Variants in FSTL5 observed in about 807,000 individuals in gnomAD.
FSTL5 encodes follistatin like 5, also known as follistatin-related protein 5.
In FSTL5, 62 loss-of-function variants were observed where a neutral mutation model predicts 89.1. The observed-to-expected ratio is 0.70, with a 90% CI of 0.57 to 0.86. The LOEUF (loss-of-function observed/expected upper bound fraction) is 0.86. FSTL5 is among the 40% of genes least tolerant of loss of function. The pLI is 0.00. For missense variants in FSTL5, 1,057 were observed against 1,001.6 expected, an observed-to-expected ratio of 1.06 and a Z score of -0.75; for synonymous variants, 383 against 346.2, an observed-to-expected ratio of 1.11 and a Z score of -1.18.
At position 162,027,790 on chromosome 4, in the gene FSTL5, C is replaced by T. The variant is rs1737356031; in HGVS notation, c.160+5835G>A. ...GGTAATTAAAGAGTTGCCAGTTAAT[C>T]ATCTACTATCAAGTTATGCATATGT... On this transcript the variant is annotated intron_variant, in intron 3 of 15. Coordinates refer to ENST00000306100, the MANE Select transcript of FSTL5 (RefSeq NM_020116.5). Among the ~76,000 whole-genome samples the T allele has an allele frequency of 3.3e-5, 5 of 152,056 alleles. No individual in the cohort carries two copies. The South Asian group carries it at 1.0e-3, about 32-fold the overall frequency.
chr4:161,754,740 A>C (rs1012929122), intron 6 of FSTL5, among the ~76,000 whole-genome samples: 1 of 152,144 alleles, frequency 6.6e-6, no homozygotes, highest in Non-Finnish European at 1.5e-5. Context: ...AAAGACATTT[A>C]TTTGAGCATC....
chr4:161,615,314 A>AAAAAAAAAAAAAAAAAC (rs1734818695), intron 7 of FSTL5, among the ~76,000 whole-genome samples: 1 of 137,154 alleles, frequency 7.3e-6, no homozygotes, highest in Non-Finnish European at 1.6e-5. Flanking sequence ...AAAAAAAAAA[A>AAAAAAAAAAAAAAAAAC]AATTAGCTGG....
intron 2 of FSTL5, among the ~76,000 whole-genome samples, chr4:162,089,632 CAA>C (rs755573032): frequency 0.034 from 1,463 of 42,550 alleles, 18 homozygotes; most frequent in East Asian, 0.057. Context: ...GAATCTGTCT[CAA>C]AAAAAAAAAA....
chr4:161,643,834 A>G (rs1736047455), intron 7 of FSTL5, among the ~76,000 whole-genome samples: 3 of 152,192 alleles, frequency 2.0e-5, no homozygotes, highest in Non-Finnish European at 4.4e-5. Flanking sequence ...GTAAGAAAAT[A>G]AAATCTTCAG....
intron 15 of FSTL5, among the ~76,000 whole-genome samples, chr4:161,397,263 C>T (rs1222893866): frequency 6.6e-6 from 1 of 151,818 alleles, no homozygotes; most frequent in Non-Finnish European, 1.5e-5. Flanking sequence ...CACATAAAAA[C>T]CTCTATATAC....
intron 6 of FSTL5, among the ~76,000 whole-genome samples, chr4:161,681,290 A>G (rs559876376): frequency 1.8e-4 from 28 of 152,110 alleles, no homozygotes; most frequent in Admixed American, 5.9e-4. Context: ...AAATCAAAAG[A>G]AAAAACTACA....
chr4:161,901,523 G>T (rs974638013), intron 4 of FSTL5, among the ~76,000 whole-genome samples: 1 of 152,100 alleles, frequency 6.6e-6, no homozygotes, highest in African/African-American at 2.4e-5. Flanking sequence ...TTCGTTTTGG[G>T]TATTAAAATT....
At chr4:161,439,822 A>G (rs955269185) in intron 15 of FSTL5, among the ~76,000 whole-genome samples, 1 of 152,150 alleles carries the variant, frequency 6.6e-6, no homozygotes, top group Non-Finnish European at 1.5e-5. Flanking sequence ...TTTATGCAAA[A>G]TTAAGTTATA....
intron 15 of FSTL5, among the ~76,000 whole-genome samples, chr4:161,424,157 C>A (rs528355525): frequency 6.7e-5 from 10 of 149,940 alleles, no homozygotes; most frequent in African/African-American, 2.2e-4. Flanking sequence ...GATTACAGGC[C>A]TGAGCCACCA....
At chr4:161,862,515 A>C (rs1458974985) in intron 4 of FSTL5, among the ~76,000 whole-genome samples, 1 of 152,244 alleles carries the variant, frequency 6.6e-6, no homozygotes, top group East Asian at 1.9e-4. Flanking sequence ...TGGGCGGATA[A>C]CCAGGTCAAG....
chr4:161,842,707 G>GGCTTCTTAATATTATAT (rs1254730733), intron 4 of FSTL5, among the ~76,000 whole-genome samples: 1 of 151,770 alleles, frequency 6.6e-6, no homozygotes, highest in Non-Finnish European at 1.5e-5. Context: ...AAATATAAGT[G>GGCTTCTTAATATTATAT]GCTTCTTAAT....
chr4:161,599,503 C>G (rs554138744), intron 7 of FSTL5, among the ~76,000 whole-genome samples: 19 of 151,660 alleles, frequency 1.3e-4, no homozygotes, highest in African/African-American at 4.6e-4. Flanking sequence ...CCAAGTACAA[C>G]AGATTAATCA....
intron 4 of FSTL5, among the ~76,000 whole-genome samples, chr4:161,789,788 T>C (rs1729396759): frequency 2.0e-5 from 3 of 152,204 alleles, no homozygotes; most frequent in Admixed American, 2.0e-4. Flanking sequence ...ACTGCTCTTA[T>C]TATATGATAT....
rs376357079 is a variant in FSTL5 at position 161,974,040 on chromosome 4, C to T, written c.161-53388G>A. Reference sequence around the variant, plus strand: ...CAAAGAGAATACAATACCTAGGAATCCAACTTACAAGGGATGTGAAGGACC... The same window carrying T: ...CAAAGAGAATACAATACCTAGGAATTCAACTTACAAGGGATGTGAAGGACC... On this transcript the variant is annotated intron_variant, in intron 3 of 15. Transcript: ENST00000306100. Among the ~76,000 whole-genome samples the T allele has an allele frequency of 2.7e-4, 41 of 152,206 alleles. 1 individual carries two copies. The South Asian group carries it at 8.5e-3, about 32-fold the overall frequency.
At chr4:161,651,141 A>G (rs1489127959) in intron 7 of FSTL5, among the ~76,000 whole-genome samples, 1 of 152,108 alleles carries the variant, frequency 6.6e-6, no homozygotes, top group African/African-American at 2.4e-5. Context: ...GGAACTCACA[A>G]ACCAGGAACC....
At chr4:161,816,675 T>C (rs1429623632) in intron 4 of FSTL5, among the ~76,000 whole-genome samples, 1 of 152,106 alleles carries the variant, frequency 6.6e-6, no homozygotes, top group East Asian at 1.9e-4. Context: ...CAGATGAAAA[T>C]ACAATTTTAG....
At chr4:161,619,566 T>C (rs1289166808) in intron 7 of FSTL5, among the ~76,000 whole-genome samples, 2 of 152,214 alleles carry the variant, frequency 1.3e-5, no homozygotes, top group African/African-American at 4.8e-5. Context: ...AAGATATTTA[T>C]GCAGCCAAAA....
At chr4:162,025,829 A>G (rs1327482797) in intron 3 of FSTL5, among the ~76,000 whole-genome samples, 1 of 152,036 alleles carries the variant, frequency 6.6e-6, no homozygotes, top group Non-Finnish European at 1.5e-5. Context: ...TTAGTATCAT[A>G]GAAGTCATAG....
intron 11 of FSTL5, among the ~76,000 whole-genome samples, chr4:161,507,069 C>T (rs1184172135): frequency 3.9e-5 from 6 of 151,970 alleles, no homozygotes; most frequent in Non-Finnish European, 5.9e-5. Flanking sequence ...AGATATTCAT[C>T]AAAGTAATTC....
Sources: gnomAD v4.1 joint callset for allele counts (sites outside exome capture counted in the v4.1 genomes callset) on GRCh38, gnomAD v4.1.1 for gene constraint, MANE v1.5 for transcripts, NCBI Gene and HGNC (gene_info 2026-07-23, HGNC 2026-07-21) for gene names.